The following ZFHX3 variants were observed in gnomAD, a reference collection of about 807,000 sequenced individuals.
The protein encoded by ZFHX3 is zinc finger homeobox 3, also known as zinc finger homeobox protein 3.
Under a neutral mutation model 279.1 loss-of-function variants are expected in ZFHX3, and 42 were observed. That is an observed-to-expected ratio of 0.15 (90% CI 0.12 to 0.19). ZFHX3 has a LOEUF of 0.19. Ranked by LOEUF, ZFHX3 falls within the 10% of genes least tolerant of loss-of-function variation. The pLI, the probability that ZFHX3 is intolerant of heterozygous loss-of-function variation, is 1.00. For synonymous variants in ZFHX3, 2,293 were observed against 1,957.8 expected, an observed-to-expected ratio of 1.17 and a Z score of -4.52; for missense variants, 4,981 against 4,754.0, an observed-to-expected ratio of 1.05 and a Z score of -1.40.
intron 3 of ZFHX3, among the ~76,000 whole-genome samples, chr16:73,395,494 C>T (rs1316384171): frequency 1.3e-5 from 2 of 151,644 alleles, no homozygotes; most frequent in Non-Finnish European, 2.9e-5. Context: ...AATCATCTGG[C>T]CCCCATGCCA....
intron 7 of ZFHX3, among the ~76,000 whole-genome samples, chr16:73,126,233 A>C (rs1419321779): frequency 6.6e-6 from 1 of 152,172 alleles, no homozygotes; most frequent in Admixed American, 6.6e-5. Flanking sequence ...ACAGCGGGGC[A>C]CCAGGAAATT....
intron 1 of ZFHX3, among the ~76,000 whole-genome samples, chr16:73,831,392 G>T (rs915780523): frequency 6.6e-6 from 1 of 152,296 alleles, no homozygotes; most frequent in Middle Eastern, 3.4e-3. Flanking sequence ...GATGAGAGGT[G>T]CTAAATAAGT....
At chr16:72,954,642 C>A (rs372937829) in intron 2 of ZFHX3, among the ~76,000 whole-genome samples, 47 of 152,262 alleles carry the variant, frequency 3.1e-4, no homozygotes, top group African/African-American at 1.1e-3. Context: ...ACACAGCCAC[C>A]CCGACAAGCA....
intron 1 of ZFHX3, among the ~76,000 whole-genome samples, chr16:72,992,465 G>A (rs950708383): frequency 6.6e-6 from 1 of 152,156 alleles, no homozygotes; most frequent in African/African-American, 2.4e-5. Flanking sequence ...TCTAATGTGA[G>A]GCTGGGTAAT....
intron 4 of ZFHX3, among the ~76,000 whole-genome samples, chr16:73,308,269 A>G: frequency 3.8e-5 from 1 of 26,666 alleles, no homozygotes; most frequent in African/African-American, 1.2e-4. Context: ...ATATATATAT[A>G]TATATATATT....
At chr16:73,516,684 C>T (rs1053786887) in intron 2 of ZFHX3, among the ~76,000 whole-genome samples, 5 of 152,198 alleles carry the variant, frequency 3.3e-5, no homozygotes, top group African/African-American at 4.8e-5. Context: ...ATTTCTTCTT[C>T]CTTCGTTCTC....
At chr16:72,834,006 A>G (rs190889295) in intron 4 of ZFHX3, among the ~76,000 whole-genome samples, 186 of 152,246 alleles carry the variant, frequency 1.2e-3, no homozygotes, top group Admixed American at 2.7e-3. Context: ...CAGCACTTTG[A>G]GAGGCCGAGG....
intron 2 of ZFHX3, chr16:73,558,427 G>A (rs1013169761): frequency 1.3e-5 from 2 of 152,234 alleles, no homozygotes; most frequent in African/African-American, 2.4e-5. Context: ...CATGTGGTGG[G>A]AGGGCAATGC....
chr16:73,380,651 A>G (rs1292117547), intron 3 of ZFHX3, among the ~76,000 whole-genome samples: 1 of 152,228 alleles, frequency 6.6e-6, no homozygotes, highest in African/African-American at 2.4e-5. Context: ...GGAAAAAATG[A>G]CAAGAGATTA....
intron 1 of ZFHX3, among the ~76,000 whole-genome samples, chr16:73,757,297 T>A (rs1222988424): frequency 6.6e-6 from 1 of 152,172 alleles, no homozygotes; most frequent in Non-Finnish European, 1.5e-5. Flanking sequence ...GTGCTTCCAC[T>A]GCAGACTGGA....
intron 1 of ZFHX3, among the ~76,000 whole-genome samples, chr16:73,782,277 T>G (rs1347527544): frequency 6.6e-6 from 1 of 152,196 alleles, no homozygotes; most frequent in Non-Finnish European, 1.5e-5. Context: ...ATACATTAGG[T>G]AGTGACCTAC....
chr16:73,633,223 G>T (rs947218521), intron 2 of ZFHX3, among the ~76,000 whole-genome samples: 1 of 152,216 alleles, frequency 6.6e-6, no homozygotes, highest in Non-Finnish European at 1.5e-5. Flanking sequence ...ATATGAAGGA[G>T]ATCGAAATTG....
intron 2 of ZFHX3, among the ~76,000 whole-genome samples, chr16:73,525,890 G>A (rs145096378): frequency 2.0e-5 from 3 of 152,226 alleles, no homozygotes; most frequent in Admixed American, 6.5e-5. Context: ...CAGTGTGTTC[G>A]GAGACAAAAG....
At chr16:73,832,330 C>T (rs1961020230) in intron 1 of ZFHX3, among the ~76,000 whole-genome samples, 1 of 152,076 alleles carries the variant, frequency 6.6e-6, no homozygotes, top group South Asian at 2.1e-4. Flanking sequence ...AGTTCCAGCT[C>T]ACTTGGGGCT....
At chr16:73,259,344 G>A (rs1305623001) in intron 4 of ZFHX3, among the ~76,000 whole-genome samples, 1 of 152,182 alleles carries the variant, frequency 6.6e-6, no homozygotes. Context: ...CCTTGCCAAC[G>A]TTCGGTATTT....
At chr16:73,711,013 G>A (rs747084079) in intron 1 of ZFHX3, among the ~76,000 whole-genome samples, 6 of 152,208 alleles carry the variant, frequency 3.9e-5, no homozygotes, top group Admixed American at 1.3e-4. Context: ...ACGGAAAGAC[G>A]TGCTGTAATT....
At chr16:73,218,571 C>A (rs571752170) in intron 5 of ZFHX3, among the ~76,000 whole-genome samples, 1 of 152,232 alleles carries the variant, frequency 6.6e-6, no homozygotes, top group African/African-American at 2.4e-5. Flanking sequence ...GAGTTCGAGA[C>A]CAGCCTGGCC....
intron 2 of ZFHX3, among the ~76,000 whole-genome samples, chr16:73,665,458 C>T (rs2052827477): frequency 6.6e-6 from 1 of 151,774 alleles, no homozygotes; most frequent in South Asian, 2.1e-4. Flanking sequence ...AAGTGATACA[C>T]CCACCTCGGC....
intron 1 of ZFHX3, among the ~76,000 whole-genome samples, chr16:73,685,277 A>G (rs777707582): frequency 3.9e-5 from 6 of 152,206 alleles, no homozygotes; most frequent in Non-Finnish European, 8.8e-5. Context: ...CAGCCTCCCA[A>G]CGTGCTGGGA....
Sources: gnomAD v4.1 joint callset for allele counts (sites outside exome capture counted in the v4.1 genomes callset) on GRCh38, gnomAD v4.1.1 for gene constraint, MANE v1.5 for transcripts, NCBI Gene and HGNC (gene_info 2026-07-23, HGNC 2026-07-21) for gene names.